The following SLCO2B1 variants were observed in gnomAD, a reference collection of about 807,000 sequenced individuals.
The protein encoded by SLCO2B1 is solute carrier organic anion transporter family member 2B1, also known as OATP-RP2.
A neutral mutation model predicts 67.3 loss-of-function variants in SLCO2B1; 41 were observed. The ratio of observed to expected loss-of-function variants is 0.61; its 90% CI spans 0.47 to 0.79. The LOEUF (loss-of-function observed/expected upper bound fraction) is 0.79. Among genes scored for constraint, SLCO2B1 ranks in the 30% least tolerant of loss-of-function variants. The pLI is 0.00. For missense variants in SLCO2B1, 837 were observed against 920.1 expected (o/e 0.91, Z 1.17); for synonymous variants, 379 against 381.4 (o/e 0.99, Z 0.07).
chr11:75,184,181 T>G (rs1950122058), intron 7 of SLCO2B1, among the ~76,000 whole-genome samples: 1 of 152,168 alleles, frequency 6.6e-6, no homozygotes, highest in Admixed American at 6.5e-5. Flanking sequence ...CCACTTCTGG[T>G]TAGAACCATC....
intron 13 of SLCO2B1, chr11:75,203,996 T>C (rs72998568): frequency 0.091 from 14,949 of 164,308 alleles, 1,483 homozygotes; most frequent in African/African-American, 0.26. Flanking sequence ...GGGCACAGTT[T>C]CTGTGGGCTG....
chr11:75,156,271 C>T (rs184877881), intron 1 of SLCO2B1, among the ~76,000 whole-genome samples: 2 of 152,284 alleles, frequency 1.3e-5, no homozygotes, highest in East Asian at 3.9e-4. Context: ...ACAAGACAAC[C>T]TCTGCCCTGG....
intron 3 of SLCO2B1, 42 bp from the exon 4 acceptor site, chr11:75,165,745 G>A (rs370941724): frequency 5.6e-6 from 9 of 1,605,062 alleles, no homozygotes; most frequent in African/African-American, 1.3e-5. Context: ...CCCCAGCCCT[G>A]GGAACTGTTC....
chr11:75,156,373 T>C (rs1949745919), intron 1 of SLCO2B1, among the ~76,000 whole-genome samples: 1 of 151,990 alleles, frequency 6.6e-6, no homozygotes, highest in Admixed American at 6.6e-5. Flanking sequence ...TGGGGTTTTA[T>C]GGAGGGAGAG....
At chr11:75,197,009 A>G (rs756571831) in intron 10 of SLCO2B1, among the ~76,000 whole-genome samples, 22 of 152,198 alleles carry the variant, frequency 1.4e-4, no homozygotes, top group Admixed American at 5.2e-4. Context: ...CCAGCTACTC[A>G]GGAGGCTGAG....
rs1267936377 is a variant in SLCO2B1, at chr11:75,193,236, T to C, written c.1094T>C (p.Leu365Pro). Residue 365 changes from leucine to proline, a missense_variant, in exon 9 of 14, where the codon CTG (leucine) becomes CCG (proline). Coordinates refer to ENST00000289575, the MANE Select transcript of SLCO2B1 (RefSeq NM_007256.5). This position sits in a 1 kb window ranked among gnomAD's most constrained non-coding sequence, Gnocchi z 4.2. The part of the protein sequence containing the change: ...QFIKVFPRVL[L>P]QTLRHPIFLL... ...CCCACAGTCTTCCCCAGGGTGCTGC[T>C]GCAGACCCTACGCCACCCCATCTTC... 1 of 1,612,004 alleles carries C rather than the reference T, an allele frequency of 6.2e-7. No homozygotes were observed. The highest frequency in any genetic ancestry group is 8.5e-7 in the Non-Finnish European group (1 of 1,179,360).
At position 75,204,614 on chromosome 11, in the gene SLCO2B1, A is replaced by C; in HGVS notation, c.*34A>C. The C allele has an allele frequency of 2.5e-6, 4 of 1,570,090 alleles. No homozygotes were observed. Among genetic ancestry groups the C allele is most frequent in the Non-Finnish European group, 3.5e-6 (4 of 1,158,548 alleles). On this transcript the variant is annotated 3_prime_UTR_variant, in exon 14 of 14. Coordinates refer to ENST00000289575, the MANE Select transcript of SLCO2B1 (RefSeq NM_007256.5). ...GGGGCCCCACCTGGCCAAGAGTAGC[A>C]GCCACAGCAGTACCTCCTCTGAGTC...
chr11:75,181,420 T>C (rs567889962), intron 7 of SLCO2B1, among the ~76,000 whole-genome samples: 1 of 151,734 alleles, frequency 6.6e-6, no homozygotes, highest in South Asian at 2.1e-4. Flanking sequence ...TGTTTCATTC[T>C]TCATGGAAAC....
Position 75,193,360 on chromosome 11 carries a change from C to T in SLCO2B1, c.1218C>T (p.Ala406=), listed in dbSNP as rs1255723835. 1 of 1,614,198 alleles carries T rather than the reference C, an allele frequency of 6.2e-7. No homozygotes were observed. The highest frequency in any genetic ancestry group is 1.1e-5 in the South Asian group (1 of 91,084). Residue 406 remains alanine, a synonymous_variant, in exon 9 of 14, where the codon GCC becomes GCT. Transcript: ENST00000289575. This position sits in a 1 kb window ranked among gnomAD's most constrained non-coding sequence, Gnocchi z 4.2. ...KFLERQFSIT[A]SYANLLIGCL... ...TGGAGCGCCAGTTTTCCATCACAGC[C>T]TCCTACGCCAACCTGCTCATCGGCT...
intron 9 of SLCO2B1, 70 bp from the exon 10 acceptor site, chr11:75,196,444 C>T (rs539510429): frequency 1.4e-5 from 21 of 1,507,004 alleles, no homozygotes; most frequent in South Asian, 8.7e-5. Context: ...GCTACAGGGC[C>T]GAGGATGCCC....
At chr11:75,174,775 G>A (rs1950003920) in intron 7 of SLCO2B1, among the ~76,000 whole-genome samples, 1 of 152,184 alleles carries the variant, frequency 6.6e-6, no homozygotes, top group Non-Finnish European at 1.5e-5. Flanking sequence ...TCCAAATTGA[G>A]TCCTAAATTT....
intron 8 of SLCO2B1, among the ~76,000 whole-genome samples, chr11:75,190,436 C>T (rs912992448): frequency 1.3e-5 from 2 of 152,188 alleles, no homozygotes; most frequent in African/African-American, 4.8e-5. Context: ...GTGCCCTATA[C>T]TCTTGGGGAA....
At position 75,204,511 on chromosome 11, in the gene SLCO2B1, C is replaced by T. The variant is rs1295721187; in HGVS notation, c.2061C>T (p.Ser687=). The T allele has an allele frequency of 6.2e-7, 1 of 1,613,374 alleles. No individual in the cohort carries two copies. The highest frequency in any genetic ancestry group is 8.5e-7 in the Non-Finnish European group (1 of 1,179,644). ...DKEARTKESR[S]SPAVEQQLLV... is the part of the protein sequence containing the mutation. ...AGGCAAGGACCAAAGAGAGCAGATCCAGCCCTGCCGTAGAGCAGCAATTGC... is the reference window on the plus strand; with the variant it reads ...AGGCAAGGACCAAAGAGAGCAGATCTAGCCCTGCCGTAGAGCAGCAATTGC... Residue 687 remains serine (S), a synonymous_variant, in exon 14 of 14, where the codon TCC becomes TCT. Transcript: ENST00000289575.
At chr11:75,180,381 A>C (rs1213413240) in intron 7 of SLCO2B1, among the ~76,000 whole-genome samples, 1 of 152,216 alleles carries the variant, frequency 6.6e-6, no homozygotes, top group Admixed American at 6.5e-5. Context: ...GGATTGTTAG[A>C]TCGAAGTTTC....
intron 10 of SLCO2B1, 138 bp from the exon 11 acceptor site, chr11:75,200,086 G>A (rs1297003833): frequency 1.1e-5 from 9 of 840,018 alleles, no homozygotes; most frequent in African/African-American, 3.4e-5. Context: ...AACGGGTCAC[G>A]ATCTCGGACT....
At chr11:75,200,478 A>C (rs1945166145) in intron 11 of SLCO2B1, 91 bp downstream of exon 11, 1 of 1,365,038 alleles carries the variant, frequency 7.3e-7, no homozygotes, top group African/African-American at 1.5e-5. Flanking sequence ...AGTTCAAGAA[A>C]GGAGGCCACT....
intron 8 of SLCO2B1, among the ~76,000 whole-genome samples, chr11:75,189,438 T>C (rs1228506198): frequency 2.0e-5 from 3 of 152,212 alleles, no homozygotes; most frequent in Non-Finnish European, 4.4e-5. Flanking sequence ...ATGGAAAGCC[T>C]CTTTATGCTA....
intron 7 of SLCO2B1, among the ~76,000 whole-genome samples, chr11:75,178,713 C>G (rs1950055960): frequency 6.6e-6 from 1 of 152,314 alleles, no homozygotes; most frequent in African/African-American, 2.4e-5. Flanking sequence ...CTGGACTCAT[C>G]ATGATGTACA....
chr11:75,199,295 A>C (rs1945148210), intron 10 of SLCO2B1, among the ~76,000 whole-genome samples: 1 of 152,118 alleles, frequency 6.6e-6, no homozygotes, highest in African/African-American at 2.4e-5. Context: ...CCCAACCCTA[A>C]GTGCTCACGT....
Sources: gnomAD v4.1 joint callset for allele counts (sites outside exome capture counted in the v4.1 genomes callset) on GRCh38, gnomAD v4.1.1 for gene constraint, Gnocchi (gnomAD v3.1) non-coding constraint, MANE v1.5 for transcripts, NCBI Gene and HGNC (gene_info 2026-07-23, HGNC 2026-07-21) for gene names.